Variants in CSMD3 observed in about 807,000 individuals in gnomAD.
CSMD3 encodes the protein CUB and Sushi multiple domains 3.
Under a neutral mutation model 435.2 loss-of-function variants are expected in CSMD3, and 177 were observed. The observed-to-expected ratio is 0.41, with a 90% confidence interval of 0.36 to 0.46. CSMD3 has a LOEUF of 0.46. Ranked by LOEUF, CSMD3 falls within the 20% of genes least tolerant of loss-of-function variation. The pLI is 0.34. For synonymous variants in CSMD3, 1,656 were observed against 1,520.5 expected, an observed-to-expected ratio of 1.09 and a Z score of -2.07; for missense variants, 4,265 against 4,504.6, an observed-to-expected ratio of 0.95 and a Z score of 1.52.
At chr8:112,992,535 G>A (rs1177489183) in intron 6 of CSMD3, among the ~76,000 whole-genome samples, 1 of 151,710 alleles carries the variant, frequency 6.6e-6, no homozygotes, top group African/African-American at 2.4e-5. Context: ...AGTCCCTCAT[G>A]GGAAGATTTG....
intron 9 of CSMD3, among the ~76,000 whole-genome samples, chr8:112,935,730 A>AT (rs778115948): frequency 1.1e-4 from 16 of 151,696 alleles, no homozygotes; most frequent in Non-Finnish European, 1.8e-4. Flanking sequence ...TTGTATGGGG[A>AT]TTTTTTTTAA....
In CSMD3 at chr8:112,580,731, G is replaced by T. The variant is rs115928058; in HGVS notation, c.3885+6335C>A. Among the ~76,000 whole-genome samples, 929 of 152,148 alleles carry T rather than the reference G, an allele frequency of 6.1e-3. 8 individuals are homozygous for T. The highest frequency in any genetic ancestry group is 0.022 in the African/African-American group (897 of 41,550). On this transcript the variant is annotated intron_variant, in intron 23 of 70. Coordinates refer to ENST00000297405, the MANE Select transcript of CSMD3 (RefSeq NM_198123.2). ...TTGGGATAACTAGGATCCAGCAGTG[G>T]ATGCCCAATTGTACTGCTGACTTCA...
At chr8:112,447,225 T>C (rs931249923) in intron 32 of CSMD3, among the ~76,000 whole-genome samples, 3 of 152,128 alleles carry the variant, frequency 2.0e-5, no homozygotes, top group African/African-American at 4.8e-5. Context: ...TTCTGCTTTA[T>C]TATTTTCTGA....
intron 22 of CSMD3, among the ~76,000 whole-genome samples, chr8:112,593,964 A>G (rs1212586470): frequency 6.6e-6 from 1 of 152,120 alleles, no homozygotes; most frequent in Non-Finnish European, 1.5e-5. Flanking sequence ...TGAATTAAAA[A>G]CATTTCAGTA....
intron 38 of CSMD3, among the ~76,000 whole-genome samples, chr8:112,368,587 C>T (rs1828015705): frequency 6.6e-6 from 1 of 152,138 alleles, no homozygotes; most frequent in Non-Finnish European, 1.5e-5. Flanking sequence ...GCAGCACCTA[C>T]ACCTAGAAAA....
chr8:113,140,949 T>TA (rs1387160362), intron 4 of CSMD3, among the ~76,000 whole-genome samples: 2 of 150,780 alleles, frequency 1.3e-5, no homozygotes, highest in East Asian at 1.9e-4. Flanking sequence ...GAAGGATTTT[T>TA]AAAAAATCAA....
At chr8:112,276,662 A>G (rs1442854988) in intron 59 of CSMD3, among the ~76,000 whole-genome samples, 1 of 152,118 alleles carries the variant, frequency 6.6e-6, no homozygotes, top group Non-Finnish European at 1.5e-5. Flanking sequence ...GGGTCAAGGT[A>G]CAGCTCAGGC....
At position 112,314,066 on chromosome 8, in the gene CSMD3, A is replaced by G. The variant is rs113509186; in HGVS notation, c.7550-14T>C. On this transcript the variant is annotated splice_polypyrimidine_tract_variant and intron_variant, in intron 48 of 70. Coordinates refer to ENST00000297405, the MANE Select transcript of CSMD3 (RefSeq NM_198123.2). ...GAATATTTGGTCCTTTGGGAAGAAAATAAAACAATTTAGATAAAGCTAATT... is the reference window on the plus strand; with the variant it reads ...GAATATTTGGTCCTTTGGGAAGAAAGTAAAACAATTTAGATAAAGCTAATT... 1.9e-4 allele frequency: 302 copies of G among 1,589,726 alleles called. 2 individuals are homozygous for G. The African/African-American group carries it at 3.4e-3, about 18-fold the overall frequency.
intron 59 of CSMD3, among the ~76,000 whole-genome samples, chr8:112,271,008 T>A (rs1817484218): frequency 6.6e-6 from 1 of 152,158 alleles, no homozygotes; most frequent in African/African-American, 2.4e-5. Context: ...TACATTGAAA[T>A]ATCTATCATA....
chr8:112,964,386 A>G (rs2084341004), intron 7 of CSMD3, among the ~76,000 whole-genome samples: 1 of 151,932 alleles, frequency 6.6e-6, no homozygotes, highest in Non-Finnish European at 1.5e-5. Flanking sequence ...TTGACCCTAA[A>G]TATGTTTACC....
intron 4 of CSMD3, among the ~76,000 whole-genome samples, chr8:113,153,129 A>AAG (rs1395177706): frequency 4.3e-4 from 45 of 103,598 alleles, no homozygotes; most frequent in African/African-American, 2.0e-3. Context: ...AAGAAAGAGA[A>AAG]AGAAGGAAGG....
chr8:113,302,870 T>C (rs1193706260), intron 2 of CSMD3, among the ~76,000 whole-genome samples: 1 of 144,880 alleles, frequency 6.9e-6, no homozygotes, highest in Non-Finnish European at 1.5e-5. Flanking sequence ...ATGCCCTCTC[T>C]CACCGCTCCT....
At chr8:113,429,338 GAA>G (rs1455419680) in intron 1 of CSMD3, among the ~76,000 whole-genome samples, 1 of 151,384 alleles carries the variant, frequency 6.6e-6, no homozygotes, top group South Asian at 2.1e-4. Context: ...TAAAACCCAT[GAA>G]AAAAAGAAAC....
At chr8:112,984,414 T>C (rs1474689307) in intron 6 of CSMD3, among the ~76,000 whole-genome samples, 1 of 152,088 alleles carries the variant, frequency 6.6e-6, no homozygotes, top group African/African-American at 2.4e-5. Flanking sequence ...AGGCAACAGA[T>C]GATGTTAAAA....
chr8:112,488,262 T>A (rs1820332748), intron 31 of CSMD3, among the ~76,000 whole-genome samples: 1 of 152,278 alleles, frequency 6.6e-6, no homozygotes, highest in South Asian at 2.1e-4. Context: ...ATTGATTTGG[T>A]TCGGTTTGAG....
intron 59 of CSMD3, among the ~76,000 whole-genome samples, chr8:112,273,599 G>A (rs539466388): frequency 8.3e-4 from 126 of 151,852 alleles, no homozygotes; most frequent in African/African-American, 2.9e-3. Flanking sequence ...GGTGGCAGGC[G>A]CCTGTAGTCC....
chr8:112,898,996 C>G (rs1192754887), intron 10 of CSMD3, among the ~76,000 whole-genome samples: 1 of 151,194 alleles, frequency 6.6e-6, no homozygotes, highest in African/African-American at 2.4e-5. Flanking sequence ...GTGAATAGAA[C>G]TTGCTCTTGA....
intron 32 of CSMD3, among the ~76,000 whole-genome samples, chr8:112,460,979 A>G (rs1434603184): frequency 1.3e-5 from 2 of 152,168 alleles, no homozygotes; most frequent in Non-Finnish European, 2.9e-5. Context: ...AGCACTATCA[A>G]TCTTCTAACC....
chr8:112,674,791 T>C (rs2075735981), intron 16 of CSMD3, among the ~76,000 whole-genome samples: 1 of 152,156 alleles, frequency 6.6e-6, no homozygotes, highest in African/African-American at 2.4e-5. Flanking sequence ...CTCCATTCTC[T>C]AAGAGGGATT....
Sources: allele counts gnomAD v4.1 joint callset (sites outside exome capture counted in the v4.1 genomes callset), GRCh38; gene constraint gnomAD v4.1.1; transcripts MANE v1.5; gene names NCBI Gene and HGNC (gene_info 2026-07-23, HGNC 2026-07-21).